LIMCH1: variants seen among roughly 807,000 people sequenced by gnomAD.
LIMCH1 encodes LIM and calponin homology domains-containing protein 1.
Under a neutral mutation model 176.5 loss-of-function variants are expected in LIMCH1, and 113 were observed. That is an observed-to-expected ratio of 0.64 (90% CI 0.55 to 0.75). The LOEUF (loss-of-function observed/expected upper bound fraction) is 0.75. Among genes scored for constraint, LIMCH1 ranks in the 30% least tolerant of loss-of-function variants. The pLI, the probability that LIMCH1 is intolerant of heterozygous loss-of-function variation, is 0.00. For synonymous variants in LIMCH1, 619 were observed against 645.9 expected (o/e 0.96, Z 0.63); for missense variants, 1,674 against 1,814.9 (o/e 0.92, Z 1.41).
intron 2 of LIMCH1, among the ~76,000 whole-genome samples, chr4:41,508,589 A>G (rs2074465508): frequency 6.6e-6 from 1 of 152,194 alleles, no homozygotes; most frequent in Non-Finnish European, 1.5e-5. Flanking sequence ...GAAAGGCCAC[A>G]TTAGGAAAGA....
chr4:41,397,658 GA>G (rs145660428), intron 1 of LIMCH1, among the ~76,000 whole-genome samples: 2,045 of 146,822 alleles, frequency 0.014, 49 homozygotes, highest in African/African-American at 0.047. Flanking sequence ...TACAGATACA[GA>G]AAAAAAAAAC....
At chr4:41,514,568 T>A (rs2075354521) in intron 2 of LIMCH1, among the ~76,000 whole-genome samples, 1 of 152,136 alleles carries the variant, frequency 6.6e-6, no homozygotes, top group South Asian at 2.1e-4. Flanking sequence ...AGGTATCAAG[T>A]CAGTTTGTGA....
At chr4:41,413,432 C>T (rs1489673350) in intron 1 of LIMCH1, among the ~76,000 whole-genome samples, 3 of 151,688 alleles carry the variant, frequency 2.0e-5, no homozygotes, top group Non-Finnish European at 4.4e-5. Flanking sequence ...TGGGCTCAAG[C>T]GATCCTCCCA....
intron 1 of LIMCH1, among the ~76,000 whole-genome samples, chr4:41,414,880 A>G (rs1244043149): frequency 6.6e-6 from 1 of 152,178 alleles, no homozygotes; most frequent in African/African-American, 2.4e-5. Flanking sequence ...GATAAAATGG[A>G]AAGTAAACAC....
intron 1 of LIMCH1, among the ~76,000 whole-genome samples, chr4:41,427,440 C>T (rs961618160): frequency 2.0e-5 from 3 of 152,150 alleles, no homozygotes; most frequent in South Asian, 2.1e-4. Flanking sequence ...GTACAGTCTT[C>T]GGGGCCATTT....
At chr4:41,697,107 A>C in intron 31 of LIMCH1, 53 bp from the exon 32 acceptor site, 1 of 1,603,354 alleles carries the variant, frequency 6.2e-7, no homozygotes, top group Non-Finnish European at 8.5e-7. Context: ...AAATGTCTGA[A>C]GCGAGAAATG....
At chr4:41,451,882 ATCT>A (rs2063929843) in intron 1 of LIMCH1, among the ~76,000 whole-genome samples, 1 of 152,012 alleles carries the variant, frequency 6.6e-6, no homozygotes, top group Admixed American at 6.5e-5. Flanking sequence ...CACCTGCCCC[ATCT>A]TCTTACCTTT....
At chr4:41,395,752 G>A (rs2057740344) in intron 1 of LIMCH1, among the ~76,000 whole-genome samples, 1 of 152,004 alleles carries the variant, frequency 6.6e-6, no homozygotes, top group African/African-American at 2.4e-5. Context: ...TACTTATTGA[G>A]CATCTACTAT....
At chr4:41,644,288 G>A (rs900593917) in intron 14 of LIMCH1, among the ~76,000 whole-genome samples, 1 of 152,160 alleles carries the variant, frequency 6.6e-6, no homozygotes, top group Non-Finnish European at 1.5e-5. Context: ...GTCACATTTT[G>A]GCGTTTGCGG....
chr4:41,502,718 C>G (rs148714366), intron 2 of LIMCH1, among the ~76,000 whole-genome samples: 228 of 152,000 alleles, frequency 1.5e-3, no homozygotes, highest in Admixed American at 2.2e-3. Flanking sequence ...TCATTTCCTA[C>G]TTGTAGAGAT....
intron 1 of LIMCH1, among the ~76,000 whole-genome samples, chr4:41,400,219 A>G (rs890678875): frequency 7.9e-5 from 12 of 152,202 alleles, no homozygotes; most frequent in Non-Finnish European, 1.5e-4. Flanking sequence ...ATAGGGGCAT[A>G]GAATCTTAAA....
rs149958749 is a variant in LIMCH1, at chr4:41,617,296, C to T, written c.206-1892C>T. Among the ~76,000 whole-genome samples, 3 of 152,192 alleles carry T rather than the reference C, an allele frequency of 2.0e-5. No homozygotes were observed. The East Asian group carries it at 5.8e-4, about 29-fold the overall frequency. ...ACATTTTCCCAAGACAGGTGTGTCA[C>T]AGAGGAAAGAACTTTGGGAGTCAAG... On this transcript the variant is annotated intron_variant, in intron 5 of 31. Transcript: ENST00000503057.
chr4:41,495,738 TAG>T (rs2072005541), intron 2 of LIMCH1, among the ~76,000 whole-genome samples: 2 of 152,216 alleles, frequency 1.3e-5, no homozygotes, highest in Non-Finnish European at 2.9e-5. Flanking sequence ...TTCAAAAGGA[TAG>T]AGTGAGTGAG....
At chr4:41,579,404 C>G (rs947050266) in intron 1 of LIMCH1, among the ~76,000 whole-genome samples, 1 of 152,192 alleles carries the variant, frequency 6.6e-6, no homozygotes, top group African/African-American at 2.4e-5. Flanking sequence ...TTTTAACTCA[C>G]AATAGCTTGT....
intron 1 of LIMCH1, among the ~76,000 whole-genome samples, chr4:41,426,091 G>A (rs996986282): frequency 1.4e-5 from 2 of 139,638 alleles, no homozygotes; most frequent in East Asian, 2.1e-4. Context: ...GCGGGATCTC[G>A]GCTCACTGCA....
intron 22 of LIMCH1, among the ~76,000 whole-genome samples, chr4:41,672,584 TAACTG>T (rs2095085176): frequency 6.6e-6 from 1 of 152,196 alleles, no homozygotes; most frequent in African/African-American, 2.4e-5. Flanking sequence ...TGACCAATAA[TAACTG>T]TAATGTTGCT....
At chr4:41,430,154 T>C (rs1333646917) in intron 1 of LIMCH1, among the ~76,000 whole-genome samples, 2 of 152,252 alleles carry the variant, frequency 1.3e-5, no homozygotes, top group African/African-American at 4.8e-5. Flanking sequence ...GAGTGTATTC[T>C]AATTCTAGAG....
At position 41,697,791 on chromosome 4, in the gene LIMCH1, T is replaced by C; in HGVS notation, c.*606T>C. The stretch of plus-strand genomic sequence containing the variant: ...CCTTTGGAGGTAGAAATTATACCAA[T>C]AAATTATTGCACCGTTAGTATTAGA... On this transcript the variant is annotated 3_prime_UTR_variant, in exon 32 of 32. Coordinates refer to ENST00000503057, the MANE Select transcript of LIMCH1 (RefSeq NM_001330672.2). 1 of 152,302 alleles carries C rather than the reference T, an allele frequency of 6.6e-6. No individual in the cohort carries two copies. The allele number at this position is 152,302 out of a possible 1,614,324, so 9.4% of individuals were successfully genotyped here. A position where few individuals can be genotyped will look rare whatever the true frequency, so the allele number is the denominator to read the frequency against.
intron 1 of LIMCH1, among the ~76,000 whole-genome samples, chr4:41,583,701 C>G (rs962050189): frequency 6.6e-6 from 1 of 151,922 alleles, no homozygotes; most frequent in Non-Finnish European, 1.5e-5. Flanking sequence ...AAAGGCAGCC[C>G]CATCTTGGGT....
Sources: gnomAD v4.1 joint callset for allele counts (sites outside exome capture counted in the v4.1 genomes callset) on GRCh38, gnomAD v4.1.1 for gene constraint, MANE v1.5 for transcripts, NCBI Gene and HGNC (gene_info 2026-07-23, HGNC 2026-07-21) for gene names.